The following AP2B1 variants were observed in gnomAD, a reference collection of about 807,000 sequenced individuals.
The protein encoded by AP2B1 is adaptor related protein complex 2 subunit beta 1.
A neutral mutation model predicts 102.0 loss-of-function variants in AP2B1; 23 were observed. The observed-to-expected ratio is 0.23, with a 90% CI of 0.16 to 0.32. The LOEUF (loss-of-function observed/expected upper bound fraction) is 0.32. AP2B1 is among the 10% of genes least tolerant of loss of function. AP2B1 has a pLI of 1.00. For synonymous variants in AP2B1, 381 were observed against 421.2 expected (o/e 0.90, Z 1.17); for missense variants, 541 against 1,157.4 (o/e 0.47, Z 7.73).
chr17:35,643,688 C>T (rs112693485), intron 12 of AP2B1, among the ~76,000 whole-genome samples: 9,534 of 152,184 alleles, frequency 0.063, 415 homozygotes, highest in Middle Eastern at 0.11. Flanking sequence ...TGTTTTTGAC[C>T]CCTAATAAAA....
In AP2B1 at chr17:35,674,153, T is replaced by C. The variant is rs199860761; in HGVS notation, c.2179-23T>C. On this transcript the variant is annotated intron_variant, in intron 16 of 21. Transcript: ENST00000610402. ...TCAAGATAAATCTTGTCTGATTCTA[T>C]TGAGCTTTATACTGTGTTTCAGGTC... 500 of 1,603,842 alleles carry C rather than the reference T, an allele frequency of 3.1e-4. 1 individual carries two copies. The highest frequency in any genetic ancestry group is 8.9e-5 in the South Asian group (8 of 89,674).
intron 10 of AP2B1, among the ~76,000 whole-genome samples, chr17:35,636,966 C>T (rs1234151486): frequency 6.6e-6 from 1 of 152,144 alleles, no homozygotes; most frequent in African/African-American, 2.4e-5. Flanking sequence ...TTATCAGTCT[C>T]ATGCCTTTTC....
At chr17:35,686,471 G>C (rs587687185) in intron 18 of AP2B1, among the ~76,000 whole-genome samples, 3 of 152,268 alleles carry the variant, frequency 2.0e-5, no homozygotes, top group Admixed American at 6.5e-5. Context: ...TCTGCAAGGA[G>C]ACAGTGGAAT....
At chr17:35,642,148 G>A (rs1327053770) in intron 12 of AP2B1, among the ~76,000 whole-genome samples, 173 bp downstream of exon 12, 2 of 152,168 alleles carry the variant, frequency 1.3e-5, no homozygotes, top group Non-Finnish European at 2.9e-5. Context: ...CTGAATTGTA[G>A]CTAATTCTGT....
rs367881522 is a variant in AP2B1 at position 35,671,734 on chromosome 17, C to CTTTTTTT, written c.2032-16_2032-10dup. ...CTGTTCTTCCCAATCTCCCCTCTCC[C>CTTTTTTT]TTTTTTTTTTCTCCTGCAGGTGGGA... On this transcript the variant is annotated intron_variant, in intron 15 of 21. Coordinates refer to ENST00000610402, the MANE Select transcript of AP2B1 (RefSeq NM_001030006.2). The CTTTTTTT allele has an allele frequency of 1.4e-6, 2 of 1,392,540 alleles. No homozygotes were observed. Among genetic ancestry groups the CTTTTTTT allele is most frequent in the Admixed American group, 1.9e-5 (1 of 53,084 alleles). The allele number at this position is 1,392,540 out of a possible 1,614,324, so 86.3% of individuals were successfully genotyped here.
At chr17:35,616,843 C>T (rs1431127809) in intron 5 of AP2B1, among the ~76,000 whole-genome samples, 2 of 152,160 alleles carry the variant, frequency 1.3e-5, no homozygotes, top group African/African-American at 4.8e-5. Context: ...GAAACTCAGG[C>T]TCTAGAACCA....
At chr17:35,668,134 A>C (rs1002794354) in intron 14 of AP2B1, among the ~76,000 whole-genome samples, 2 of 151,880 alleles carry the variant, frequency 1.3e-5, no homozygotes, top group Admixed American at 1.3e-4. Context: ...GACGGGTTTC[A>C]CCATATTGGT....
chr17:35,657,319 T>C (rs565703209), intron 13 of AP2B1, among the ~76,000 whole-genome samples: 1 of 152,348 alleles, frequency 6.6e-6, no homozygotes, highest in African/African-American at 2.4e-5. Context: ...CCTTACAGTG[T>C]TCCCTCATAG....
chr17:35,608,539 A>G, intron 5 of AP2B1, 152 bp downstream of exon 5: 1 of 999,122 alleles, frequency 1.0e-6, no homozygotes, highest in Non-Finnish European at 1.4e-6. Flanking sequence ...TATATTTCAT[A>G]TCCTAGGTGT....
At chr17:35,649,744 A>G (rs2075038705) in intron 12 of AP2B1, among the ~76,000 whole-genome samples, 1 of 152,134 alleles carries the variant, frequency 6.6e-6, no homozygotes. Flanking sequence ...TGACTATATT[A>G]GGACCATGTT....
intron 20 of AP2B1, among the ~76,000 whole-genome samples, chr17:35,711,136 A>G (rs587690405): frequency 1.3e-5 from 2 of 152,264 alleles, no homozygotes; most frequent in East Asian, 3.9e-4. Flanking sequence ...AAGGAGCCCT[A>G]AGTTATTTAG....
intron 13 of AP2B1, chr17:35,651,005 G>C (rs566920245): frequency 1.7e-4 from 88 of 522,478 alleles, no homozygotes; most frequent in African/African-American, 1.5e-3. Context: ...ACATAAAATC[G>C]GTGAAAGACT....
At chr17:35,698,567 C>A (rs1168901738) in intron 18 of AP2B1, among the ~76,000 whole-genome samples, 1 of 152,198 alleles carries the variant, frequency 6.6e-6, no homozygotes, top group African/African-American at 2.4e-5. Flanking sequence ...TCTGCCTTGG[C>A]CTCCCAAATT....
chr17:35,718,657 G>A (rs192982181), intron 21 of AP2B1, among the ~76,000 whole-genome samples: 169 of 147,694 alleles, frequency 1.1e-3, no homozygotes, highest in Middle Eastern at 3.6e-3. Flanking sequence ...AGACCAGCCT[G>A]GGTAACATAG....
intron 20 of AP2B1, among the ~76,000 whole-genome samples, chr17:35,712,682 A>C (rs913771430): frequency 6.6e-6 from 1 of 152,226 alleles, no homozygotes; most frequent in Non-Finnish European, 1.5e-5. Context: ...TTTGTTATCC[A>C]TGAAAGTTGA....
At chr17:35,605,235 CTTTTCT>C (rs371454733) in intron 3 of AP2B1, among the ~76,000 whole-genome samples, 95 of 148,034 alleles carry the variant, frequency 6.4e-4, no homozygotes, top group African/African-American at 2.2e-3. Context: ...TTTCTCTTTT[CTTTTCT>C]TTTTTTTTTT....
chr17:35,651,074 CT>C (rs1210779310), intron 13 of AP2B1: 1 of 302,350 alleles, frequency 3.3e-6, no homozygotes, highest in East Asian at 6.5e-5. Flanking sequence ...TGAAGACCTT[CT>C]AAATTGATAA....
intron 6 of AP2B1, among the ~76,000 whole-genome samples, chr17:35,626,031 G>T (rs1308932922): frequency 6.6e-6 from 1 of 152,036 alleles, no homozygotes; most frequent in Admixed American, 6.6e-5. Flanking sequence ...GCTAGGAGAG[G>T]GGGGAGACAG....
At chr17:35,680,698 T>G (rs1465327163) in intron 17 of AP2B1, among the ~76,000 whole-genome samples, 3,758 of 146,380 alleles carry the variant, frequency 0.026, 73 homozygotes, top group South Asian at 0.049. Flanking sequence ...TTTTTTTTTT[T>G]TGTTTTTTTT....
Sources: gnomAD v4.1 joint callset for allele counts (sites outside exome capture counted in the v4.1 genomes callset) on GRCh38, gnomAD v4.1.1 for gene constraint, MANE v1.5 for transcripts, NCBI Gene and HGNC (gene_info 2026-07-23, HGNC 2026-07-21) for gene names.